The following CSGALNACT1 variants were observed in gnomAD, a reference collection of about 807,000 sequenced individuals.
CSGALNACT1 encodes chondroitin sulfate N-acetylgalactosaminyltransferase 1, also known as beta4GalNAcT-1.
In CSGALNACT1, 52 loss-of-function variants were observed where a neutral mutation model predicts 51.0. The ratio of observed to expected loss-of-function variants is 1.02; its 90% CI spans 0.82 to 1.29. CSGALNACT1 has a LOEUF of 1.29. Among genes scored for constraint, CSGALNACT1 ranks in the 50% most tolerant of loss-of-function variants. CSGALNACT1 has a pLI of 0.00. For synonymous variants in CSGALNACT1, 341 were observed against 254.4 expected (o/e 1.34, Z -3.24); for missense variants, 935 against 679.2 (o/e 1.38, Z -4.19).
At chr8:19,644,752 G>C (rs1263994246) in intron 1 of CSGALNACT1, among the ~76,000 whole-genome samples, 3 of 145,544 alleles carry the variant, frequency 2.1e-5, no homozygotes, top group Non-Finnish European at 4.5e-5. Flanking sequence ...AACATAGCTA[G>C]TCATCTCATC....
chr8:19,747,279 C>T (rs115490237), intron 1 of CSGALNACT1, among the ~76,000 whole-genome samples: 2,756 of 151,784 alleles, frequency 0.018, 91 homozygotes, highest in African/African-American at 0.064. Context: ...GCCGGTATTT[C>T]CAACTTCATT....
At chr8:19,499,355 A>G (rs6999542) in intron 4 of CSGALNACT1, among the ~76,000 whole-genome samples, 113,343 of 152,044 alleles carry the variant, frequency 0.75, 43,295 homozygotes, top group East Asian at 0.85. Flanking sequence ...ATAAGGACTG[A>G]GCCTCACTCA....
At chr8:19,466,972 C>G (rs943826283) in intron 4 of CSGALNACT1, among the ~76,000 whole-genome samples, 1 of 152,204 alleles carries the variant, frequency 6.6e-6, no homozygotes, top group African/African-American at 2.4e-5. Context: ...TCTTATTTCT[C>G]TACACTGCAT....
chr8:19,560,351 G>A (rs2040421187), intron 3 of CSGALNACT1, among the ~76,000 whole-genome samples: 1 of 152,004 alleles, frequency 6.6e-6, no homozygotes, highest in Admixed American at 6.6e-5. Context: ...CTTTAAAAAG[G>A]CACAAAAGGC....
chr8:19,584,794 A>G (rs143631736), intron 3 of CSGALNACT1, among the ~76,000 whole-genome samples: 4 of 152,318 alleles, frequency 2.6e-5, no homozygotes, highest in East Asian at 1.9e-4. Context: ...AGGCAGTTAT[A>G]AAGCATCTCT....
At chr8:19,515,301 C>G (rs1012769717) in intron 3 of CSGALNACT1, among the ~76,000 whole-genome samples, 1 of 152,184 alleles carries the variant, frequency 6.6e-6, no homozygotes, top group Admixed American at 6.5e-5. Flanking sequence ...CCTTCCTCAC[C>G]CAAAAGACTT....
chr8:19,417,831 C>T (rs962916422), intron 8 of CSGALNACT1, among the ~76,000 whole-genome samples: 1 of 152,318 alleles, frequency 6.6e-6, no homozygotes, highest in Non-Finnish European at 1.5e-5. Context: ...TTTTCCCTCT[C>T]TGCCAATGCT....
At chr8:19,756,577 C>T (rs2065392992) in intron 1 of CSGALNACT1, among the ~76,000 whole-genome samples, 2 of 152,056 alleles carry the variant, frequency 1.3e-5, no homozygotes, top group Admixed American at 6.5e-5. Flanking sequence ...CCTTCTAGCC[C>T]CCATCCCACC....
In CSGALNACT1 at chr8:19,670,687, CCTT is replaced by C. The variant is rs1005466642; in HGVS notation, c.-544+11783_-544+11785del. Reference sequence around the variant, plus strand: ...AAAAAAAAAAAAGAGAAAATAGAAACCTTCTCTCAAGCAGCTTGTCATTTGCTT... The same window carrying C: ...AAAAAAAAAAAAGAGAAAATAGAAACCTCTCAAGCAGCTTGTCATTTGCTT... On this transcript the variant is annotated intron_variant, in intron 1 of 9. Coordinates refer to the CSGALNACT1 transcript ENST00000332246. Among the ~76,000 whole-genome samples the C allele has an allele frequency of 5.1e-4, 66 of 128,262 alleles. 1 individual carries two copies. Among genetic ancestry groups the C allele is most frequent in the Admixed American group, 1.6e-4 (2 of 12,672 alleles). The allele number at this position is 128,262 out of a possible 152,430, so 84.1% of individuals were successfully genotyped here. A position where few individuals can be genotyped will look rare whatever the true frequency, so the allele number is the denominator to read the frequency against.
At chr8:19,648,006 G>T (rs898155593) in intron 1 of CSGALNACT1, among the ~76,000 whole-genome samples, 1 of 152,180 alleles carries the variant, frequency 6.6e-6, no homozygotes, top group Non-Finnish European at 1.5e-5. Context: ...AAGTTCTGCT[G>T]CAAGTGGAAA....
intron 1 of CSGALNACT1, among the ~76,000 whole-genome samples, chr8:19,749,371 G>C (rs1278199387): frequency 1.3e-5 from 2 of 151,582 alleles, no homozygotes; most frequent in African/African-American, 4.8e-5. Flanking sequence ...AAAAAAGCCT[G>C]AATCAAGCTT....
intron 3 of CSGALNACT1, among the ~76,000 whole-genome samples, chr8:19,567,689 T>C (rs897397570): frequency 6.6e-6 from 1 of 152,300 alleles, no homozygotes; most frequent in Non-Finnish European, 1.5e-5. Flanking sequence ...AAAATTAGAA[T>C]GTCATTATTT....
At chr8:19,747,273 G>T (rs775037068) in intron 1 of CSGALNACT1, among the ~76,000 whole-genome samples, 10 of 152,040 alleles carry the variant, frequency 6.6e-5, no homozygotes, top group Admixed American at 4.6e-4. Flanking sequence ...AAAAAAGCCG[G>T]TATTTCCAAC....
chr8:19,524,599 C>CT (rs1209729049), intron 3 of CSGALNACT1, among the ~76,000 whole-genome samples: 1 of 151,764 alleles, frequency 6.6e-6, no homozygotes, highest in African/African-American at 2.4e-5. Context: ...TTTCTTGACT[C>CT]TAAGTTAATG....
intron 4 of CSGALNACT1, among the ~76,000 whole-genome samples, chr8:19,503,394 C>T (rs928572393): frequency 2.6e-5 from 4 of 152,148 alleles, no homozygotes; most frequent in Admixed American, 6.5e-5. Context: ...ATAGGCCTTA[C>T]GTGTTAAACT....
chr8:19,700,077 A>G (rs1489761943), intron 1 of CSGALNACT1, among the ~76,000 whole-genome samples: 1 of 150,010 alleles, frequency 6.7e-6, no homozygotes, highest in African/African-American at 2.5e-5. Context: ...ACACCACTGC[A>G]CTCCAGCCTG....
chr8:19,458,762 C>G (rs764332518), intron 4 of CSGALNACT1, 120 bp from the exon 4 acceptor site: 115 of 943,012 alleles, frequency 1.2e-4, no homozygotes, highest in Non-Finnish European at 1.8e-4. Context: ...ATCTCTCCAA[C>G]AATTATTCGA....
intron 3 of CSGALNACT1, among the ~76,000 whole-genome samples, chr8:19,580,590 C>G (rs2045349705): frequency 6.6e-6 from 1 of 152,186 alleles, no homozygotes; most frequent in African/African-American, 2.4e-5. Context: ...AGGAATAGAA[C>G]AGCATCCAGA....
chr8:19,678,116 A>C (rs7012089), intron 1 of CSGALNACT1, among the ~76,000 whole-genome samples: 10,411 of 152,118 alleles, frequency 0.068, 426 homozygotes, highest in African/African-American at 0.12. Flanking sequence ...AACAAACAAA[A>C]AAAAAAATTA....
Sources: allele counts gnomAD v4.1 joint callset (sites outside exome capture counted in the v4.1 genomes callset), GRCh38; gene constraint gnomAD v4.1.1; transcripts MANE v1.5; gene names NCBI Gene and HGNC (gene_info 2026-07-23, HGNC 2026-07-21).